Variants in CPLANE1 observed in about 807,000 individuals in gnomAD.
CPLANE1 encodes ciliogenesis and planar polarity effector complex subunit 1.
A neutral mutation model predicts 362.5 loss-of-function variants in CPLANE1; 263 were observed. That is an observed-to-expected ratio of 0.73 (90% CI 0.66 to 0.80). CPLANE1 has a LOEUF of 0.80. CPLANE1 is among the 30% of genes least tolerant of loss of function. The pLI is 0.00. For synonymous variants in CPLANE1, 1,212 were observed against 1,302.6 expected, an observed-to-expected ratio of 0.93 and a Z score of 1.50; for missense variants, 3,461 against 3,793.4, an observed-to-expected ratio of 0.91 and a Z score of 2.30.
chr5:37,086,169 G>A, the CPLANE1 span, among the ~76,000 whole-genome samples: 1 of 152,212 alleles, frequency 6.6e-6, no homozygotes, highest in East Asian at 1.9e-4. Context: ...AAGAAACAAT[G>A]GATTTAAACT....
intron 2 of CPLANE1, 137 bp from the exon 3 acceptor site, chr5:37,245,982 T>G: frequency 1.2e-6 from 1 of 860,462 alleles, no homozygotes; most frequent in Non-Finnish European, 1.7e-6. Flanking sequence ...AAAATGAACA[T>G]TAAGCTTAAT....
chr5:37,137,465 C>T (rs764498502), intron 46 of CPLANE1, among the ~76,000 whole-genome samples: 7 of 152,188 alleles, frequency 4.6e-5, no homozygotes, highest in African/African-American at 9.6e-5. Flanking sequence ...GTTCCAAAGT[C>T]GCTTCCACAT....
At position 37,177,636 on chromosome 5, in the gene CPLANE1, G is replaced by A. The variant is rs768454790; in HGVS notation, c.5885C>T (p.Ser1962Leu). ...EPLETIMEEK[S>L]TEQKGMIEAF... ...TCCCCCTTACCCTTTTTGTTCAGTCGATTTTTCCTCCATAATTGTCTCCAG... is the reference window on the plus strand; with the variant it reads ...TCCCCCTTACCCTTTTTGTTCAGTCAATTTTTCCTCCATAATTGTCTCCAG... The change falls in exon 30 of 53, where the codon TCG (serine) becomes TTG (leucine). Residue 1962 changes from serine to leucine, a missense_variant. By Grantham distance (145) the Ser-to-Leu change is moderately radical (BLOSUM62 -2). Around this residue, in one of 2 missense-constraint regions of CPLANE1, gnomAD observed 3,380 missense variants for 3,666.1 expected, o/e 0.92. Transcript: ENST00000651892. 9 of 1,613,108 alleles carry A rather than the reference G, an allele frequency of 5.6e-6. No individual in the cohort carries two copies. Among genetic ancestry groups the A allele is most frequent in the Admixed American group, 5.0e-5 (3 of 59,922 alleles).
Position 37,226,392 on chromosome 5 carries a change from C to G in CPLANE1, c.2203G>C (p.Asp735His), listed in dbSNP as rs1322678335. ...GACCAGTTTTTCTGAAAACCACTAT[C>G]TTGAAACATCTGAAAAATAGGTACC... is the stretch of plus-strand genomic sequence containing the variant. The part of the protein sequence containing the change: ...LVVPIFQMFQ[D>H]SGFQKNWSWN... The change falls in exon 12 of 53, where the codon GAT (aspartate) becomes CAT (histidine). Residue 735 changes from aspartate to histidine, a missense_variant. By Grantham distance (81) the Asp-to-His change is moderately conservative. This residue lies in a region of CPLANE1 where 3,380 missense variants were observed against 3,666.1 expected (regional missense o/e 0.92). Coordinates refer to ENST00000651892, the MANE Select transcript of CPLANE1 (RefSeq NM_001384732.1). 1.9e-6 allele frequency: 3 copies of G among 1,549,916 alleles called. No homozygotes were observed. The highest frequency in any genetic ancestry group is 2.4e-5 in the South Asian group (2 of 83,544).
intron 32 of CPLANE1, among the ~76,000 whole-genome samples, chr5:37,173,209 G>A (rs1277547966): frequency 6.6e-6 from 1 of 152,158 alleles, no homozygotes; most frequent in African/African-American, 2.4e-5. Context: ...AAGTCAAAGT[G>A]AACAGTAATT....
chr5:37,245,053 G>A (rs969096623), intron 4 of CPLANE1, among the ~76,000 whole-genome samples: 3 of 151,812 alleles, frequency 2.0e-5, no homozygotes, highest in South Asian at 2.1e-4. Flanking sequence ...TCGGGAGGCT[G>A]AGGCAGGAGA....
intron 46 of CPLANE1, among the ~76,000 whole-genome samples, chr5:37,136,702 T>C (rs747017661): frequency 2.8e-4 from 43 of 152,282 alleles, no homozygotes; most frequent in Middle Eastern, 6.8e-3. Context: ...TACTAGAAGG[T>C]TCCCAAACTT....
At position 37,247,441 on chromosome 5, in the gene CPLANE1, TA is replaced by T. The variant is rs1740091365; in HGVS notation, c.81+176del. ...GGAAAAGCTAACTTGCTCATTATAA[TA>T]AAAACGAAACACACACAAAACCCTG... is the stretch of plus-strand genomic sequence containing the variant. On this transcript the variant is annotated intron_variant, in intron 2 of 52. Coordinates refer to ENST00000651892, the MANE Select transcript of CPLANE1 (RefSeq NM_001384732.1). Among the ~76,000 whole-genome samples the T allele has an allele frequency of 2.0e-5, 3 of 152,336 alleles. No homozygotes were observed. In the South Asian group the frequency reaches 6.2e-4, roughly 32 times the overall value.
At chr5:37,173,273 T>C (rs1455467551) in intron 32 of CPLANE1, among the ~76,000 whole-genome samples, 1 of 152,142 alleles carries the variant, frequency 6.6e-6, no homozygotes, top group Non-Finnish European at 1.5e-5. Flanking sequence ...ATAAGAAATA[T>C]GTGATAGTGT....
At chr5:37,098,404 A>C in the CPLANE1 span, among the ~76,000 whole-genome samples, 25 of 150,454 alleles carry the variant, frequency 1.7e-4, no homozygotes, top group Admixed American at 8.6e-4. Context: ...AAAAAAAAAA[A>C]AAAAAAAAAA....
At position 37,224,816 on chromosome 5, in the gene CPLANE1, T is replaced by C; in HGVS notation, c.2292-76A>G. 6.3e-6 allele frequency: 6 copies of C among 958,524 alleles called. No homozygotes were observed. In the South Asian group the frequency reaches 8.4e-5, roughly 13 times the overall value. The allele number at this position is 958,524 out of a possible 1,614,324, so 59.4% of individuals were successfully genotyped here. On this transcript the variant is annotated intron_variant, in intron 12 of 52. Coordinates refer to ENST00000651892, the MANE Select transcript of CPLANE1 (RefSeq NM_001384732.1). ...AGTTTAGCCTCCTTTTTAGCCTATT[T>C]TTTTTTTTGCCTGTATTCTTCATCG...
the CPLANE1 span, among the ~76,000 whole-genome samples, chr5:37,080,362 G>A: frequency 6.6e-6 from 1 of 152,206 alleles, no homozygotes; most frequent in African/African-American, 2.4e-5. Context: ...AGAGATCAGA[G>A]TTCTGGGCAG....
intron 38 of CPLANE1, 128 bp downstream of exon 38, chr5:37,162,337 A>G (rs541691010): frequency 1.6e-6 from 1 of 619,550 alleles, no homozygotes; most frequent in African/African-American, 1.8e-5. Flanking sequence ...GGAAAGAAAA[A>G]TCTAGGCAGA....
intron 26 of CPLANE1, among the ~76,000 whole-genome samples, chr5:37,182,309 TC>T (rs1356019552): frequency 6.6e-6 from 1 of 152,198 alleles, no homozygotes; most frequent in East Asian, 1.9e-4. Context: ...CTCTACTGAC[TC>T]CCCCATCTGC....
chr5:37,087,118 C>G, the CPLANE1 span, among the ~76,000 whole-genome samples: 1 of 152,100 alleles, frequency 6.6e-6, no homozygotes, highest in Non-Finnish European at 1.5e-5. Flanking sequence ...AGTTAAGAGA[C>G]CTAATGCAAA....
chr5:37,156,864 A>G (rs77608438), intron 41 of CPLANE1, among the ~76,000 whole-genome samples: 21,407 of 152,094 alleles, frequency 0.14, 1,738 homozygotes, highest in African/African-American at 0.21. Context: ...GATGCGTCCA[A>G]TCATACCTCA....
rs1166877339 is a variant in CPLANE1 at position 37,184,704 on chromosome 5, G to A, written c.4481+84C>T. ...AATAGCACAATCAGTGAGGGTTGCT[G>A]GGACCAGAAATCAGCTCATCAGATG... On this transcript the variant is annotated intron_variant, in intron 25 of 52. Transcript: ENST00000651892. The A allele has an allele frequency of 3.4e-6, 4 of 1,180,180 alleles. No homozygotes were observed. In the East Asian group the frequency reaches 9.5e-5, roughly 28 times the overall value. 73.1% of individuals were successfully genotyped at this position (1,180,180 alleles called of 1,614,324 possible).
At chr5:37,130,451 G>T (rs1341202703) in intron 46 of CPLANE1, 2 of 217,242 alleles carry the variant, frequency 9.2e-6, no homozygotes, top group East Asian at 2.2e-4. Context: ...AAATTAAGAG[G>T]GCAGAAGTCC....
chr5:37,136,149 C>T (rs1046759885), intron 46 of CPLANE1, among the ~76,000 whole-genome samples: 1 of 152,112 alleles, frequency 6.6e-6, no homozygotes, highest in African/African-American at 2.4e-5. Flanking sequence ...AGGCAAGACC[C>T]TCCTGCCTGT....
Sources: allele counts gnomAD v4.1 joint callset (sites outside exome capture counted in the v4.1 genomes callset), GRCh38; gene constraint gnomAD v4.1.1; regional missense constraint gnomAD v4.1.1; transcripts MANE v1.5; gene names NCBI Gene and HGNC (gene_info 2026-07-23, HGNC 2026-07-21).